MYH3: variants seen among roughly 807,000 people sequenced by gnomAD.
MYH3 encodes the protein myosin-3.
MYH3 carries 130 observed loss-of-function variants against 238.0 expected under a neutral mutation model. That is an observed-to-expected ratio of 0.55 (90% CI 0.47 to 0.63). The LOEUF (loss-of-function observed/expected upper bound fraction) is 0.63, where lower values mean the gene tolerates loss of function less well. Among genes scored for constraint, MYH3 ranks in the 30% least tolerant of loss-of-function variants. The pLI, the probability that MYH3 is intolerant of heterozygous loss-of-function variation, is 0.00. For missense variants in MYH3, 1,853 were observed against 2,374.9 expected, an observed-to-expected ratio of 0.78 and a Z score of 4.57; for synonymous variants, 880 against 924.1, an observed-to-expected ratio of 0.95 and a Z score of 0.86.
rs1455147790 is a variant in MYH3 at position 10,654,577 on chromosome 17, C to T, written c.204+284G>A. ...CTCCCAACTCCACACCCTTGGGACA[C>T]GTGGAGCTGGGCCCCTCTGGCCTAC... is the stretch of plus-strand genomic sequence containing the variant. On this transcript the variant is annotated intron_variant, in intron 3 of 40. Transcript: ENST00000583535. This position sits in a 1 kb window ranked among gnomAD's most constrained non-coding sequence, Gnocchi z 4.5. 1.3e-5 allele frequency among the ~76,000 whole-genome samples: 2 copies of T among 152,240 alleles called. No homozygotes were observed. The highest frequency in any genetic ancestry group is 4.8e-5 in the African/African-American group (2 of 41,462).
intron 3 of MYH3, among the ~76,000 whole-genome samples, chr17:10,653,975 G>C (rs1020963920): frequency 4.0e-5 from 6 of 151,842 alleles, no homozygotes; most frequent in African/African-American, 1.5e-4. Context: ...TATTTTTTGG[G>C]GGGACCGAGT....
At chr17:10,656,343 T>C (rs1247578460) in intron 1 of MYH3, among the ~76,000 whole-genome samples, 195 bp from the exon 2 acceptor site, 1 of 152,094 alleles carries the variant, frequency 6.6e-6, no homozygotes, top group Non-Finnish European at 1.5e-5. Context: ...CTGGCCAACA[T>C]AGTGAAACCC....
In MYH3 at chr17:10,628,591, T is replaced by C. The variant is rs959986577; in HGVS notation, c.*62A>G. 1.3e-6 allele frequency: 2 copies of C among 1,564,284 alleles called. No homozygotes were observed. The highest frequency in any genetic ancestry group is 1.8e-6 in the Non-Finnish European group (2 of 1,134,700). ...GAGTCACATGGACATTAAGTATCAA[T>C]GGTCAGGAATCAAGAAAATATACAT... On this transcript the variant is annotated 3_prime_UTR_variant, in exon 41 of 41. Coordinates refer to ENST00000583535, the MANE Select transcript of MYH3 (RefSeq NM_002470.4).
At position 10,629,905 on chromosome 17, in the gene MYH3, C is replaced by T. The variant is rs1432784701; in HGVS notation, c.5595G>A (p.Leu1865=). 1 of 1,614,180 alleles carries T rather than the reference C, an allele frequency of 6.2e-7. No homozygotes were observed. The highest frequency in any genetic ancestry group is 1.7e-5 in the Admixed American group (1 of 60,026). ...SEEDRKNVLR[L]QDLVDKLQVK... ...CTTGCAGTTTATCCACCAGATCCTG[C>T]AATCTCAGCACATTCTTCCTGTCCT... The change falls in exon 39 of 41, where the codon TTG becomes TTA. Residue 1865 remains leucine, a synonymous_variant. Coordinates refer to ENST00000583535, the MANE Select transcript of MYH3 (RefSeq NM_002470.4).
At chr17:10,671,858 C>T in the MYH3 span, among the ~76,000 whole-genome samples, 3 of 152,096 alleles carry the variant, frequency 2.0e-5, no homozygotes, top group Non-Finnish European at 2.9e-5. Context: ...GGATTACAGG[C>T]GTGAGCACCT....
chr17:10,643,586 G>C (rs1262538231), intron 14 of MYH3, among the ~76,000 whole-genome samples: 1 of 152,000 alleles, frequency 6.6e-6, no homozygotes, highest in Non-Finnish European at 1.5e-5. Flanking sequence ...ATGTTGGCCA[G>C]GATGGTCTTG....
rs2074378054 is a variant in MYH3, at chr17:10,651,750, T to TTTG, written c.349-83_349-82insCAA. On this transcript the variant is annotated intron_variant, in intron 4 of 40. Coordinates refer to ENST00000583535, the MANE Select transcript of MYH3 (RefSeq NM_002470.4). The stretch of plus-strand genomic sequence containing the variant: ...CCTTGCCTTTATTATTATTATTGTT[T>TTTG]TTTTTTTTTTTTGAGACGGAGTCTC... 21 of 1,492,374 alleles carry TTTG rather than the reference T, an allele frequency of 1.4e-5. No individual in the cohort carries two copies. The African/African-American group carries it at 2.5e-4, about 18-fold the overall frequency. 92.4% of individuals were successfully genotyped at this position (1,492,374 alleles called of 1,614,324 possible).
At chr17:10,660,532 C>G (rs1399287467), upstream of MYH3, among the ~76,000 whole-genome samples, 1 of 151,546 alleles carries the variant, frequency 6.6e-6, no homozygotes, top group Non-Finnish European at 1.5e-5. Flanking sequence ...AAAAAATTAG[C>G]CTGGCATGGT....
the MYH3 span, chr17:10,675,208 G>A: frequency 6.6e-6 from 1 of 152,246 alleles, no homozygotes; most frequent in Non-Finnish European, 1.5e-5. Context: ...TGGCTACTCT[G>A]CTCTGCCACA....
In MYH3 at chr17:10,652,341, CCA is replaced by C. The variant is rs551827750; in HGVS notation, c.348+77_348+78del. On this transcript the variant is annotated intron_variant, in intron 4 of 40. Transcript: ENST00000583535. ...CACTCATCTTCCAGAATCCCACGGCCCACACACATACCTCTGCCTCCCTCCCC... is the reference window on the plus strand; with the variant it reads ...CACTCATCTTCCAGAATCCCACGGCCCACACATACCTCTGCCTCCCTCCCC... 8.7e-5 allele frequency: 134 copies of C among 1,538,402 alleles called. 1 individual carries two copies. The African/African-American group carries it at 1.5e-3, about 18-fold the overall frequency.
In MYH3 at chr17:10,641,041, C is replaced by T. The variant is rs371646026; in HGVS notation, c.2165+44G>A. 4.1e-5 allele frequency: 58 copies of T among 1,410,172 alleles called. No individual in the cohort carries two copies. In the African/African-American group the frequency reaches 6.3e-4, roughly 15 times the overall value. The allele number at this position is 1,410,172 out of a possible 1,614,324, so 87.4% of individuals were successfully genotyped here. A position where few individuals can be genotyped will look rare whatever the true frequency, so the allele number is the denominator to read the frequency against. On this transcript the variant is annotated intron_variant, in intron 19 of 40. Transcript: ENST00000583535. ...TTTCTCCCTCTCAAATTCCAGTGTT[C>T]GTACATCTCATCCCCAAGCATATAG...
Position 10,640,233 on chromosome 17 carries a change from G to A in MYH3, c.2445C>T (p.Ile815=). The change falls in exon 22 of 41, where the codon ATC becomes ATT. Residue 815 remains isoleucine (I), a synonymous_variant. Transcript: ENST00000583535. ...TCATGAATGAGCGAATGTTGTACTG[G>A]ATGCAGAAGATGGACTCCCTAAAAA... The part of the protein sequence containing the change: ...MVQRRESIFC[I]QYNIRSFMNV... 3 of 1,614,196 alleles carry A rather than the reference G, an allele frequency of 1.9e-6. No homozygotes were observed. Among genetic ancestry groups the A allele is most frequent in the South Asian group, 1.1e-5 (1 of 91,084 alleles).
rs371236845 is a variant in MYH3 at position 10,638,229 on chromosome 17, C to A, written c.3543G>T (p.Glu1181Asp). The stretch of plus-strand genomic sequence containing the variant: ...CCATGGCTTCGTGCTGCAGTGTGGC[C>A]TCCTCCAGGTCCCTGCGCAGCTTCA... ...EFLKLRRDLEEATLQHEAMVA... is the reference protein window; with the variant it reads ...EFLKLRRDLEDATLQHEAMVA... The change falls in exon 27 of 41, where the codon GAG (glutamate) becomes GAT (aspartate). Residue 1181 changes from glutamate (E) to aspartate (D), a missense_variant. By Grantham distance (45) the Glu-to-Asp change is conservative. This residue lies in a region of MYH3 where 1,044 missense variants were observed against 1,192.6 expected (regional missense o/e 0.88). Transcript: ENST00000583535. 9.3e-6 allele frequency: 15 copies of A among 1,613,868 alleles called. No individual in the cohort carries two copies. Among genetic ancestry groups the A allele is most frequent in the Non-Finnish European group, 1.3e-5 (15 of 1,179,932 alleles).
intron 8 of MYH3, 136 bp downstream of exon 8, chr17:10,648,421 T>C: frequency 2.5e-6 from 2 of 798,458 alleles, no homozygotes; most frequent in Non-Finnish European, 4.4e-6. Flanking sequence ...AATTTATCTT[T>C]ATCTGAAATG....
chr17:10,628,706 C>T (rs1330981123), intron 40 of MYH3, 27 bp from the exon 41 acceptor site: 4 of 1,614,090 alleles, frequency 2.5e-6, no homozygotes, highest in Non-Finnish European at 3.4e-6. Flanking sequence ...CACCTGGAGT[C>T]AAGTCGGGTG....
the MYH3 span, among the ~76,000 whole-genome samples, chr17:10,668,750 A>G: frequency 6.6e-6 from 1 of 152,200 alleles, no homozygotes; most frequent in South Asian, 2.1e-4. Flanking sequence ...AACAAGAAGA[A>G]AATAAAGGAG....
intron 30 of MYH3, 26 bp from the exon 31 acceptor site, chr17:10,635,049 C>T: frequency 6.2e-7 from 1 of 1,609,146 alleles, no homozygotes; most frequent in Middle Eastern, 1.7e-4. Context: ...AGAGAAGCAG[C>T]TGTTATTTCA....
intron 6 of MYH3, 123 bp from the exon 7 acceptor site, chr17:10,649,808 A>C (rs1340289676): frequency 2.3e-6 from 2 of 872,282 alleles, no homozygotes; most frequent in Non-Finnish European, 3.8e-6. Context: ...TCACCACACT[A>C]ATGTGACAGA....
Position 10,642,148 on chromosome 17 carries a change from A to C in MYH3, c.1959+92T>G. The C allele has an allele frequency of 8.6e-7, 1 of 1,161,842 alleles. No individual in the cohort carries two copies. Among genetic ancestry groups the C allele is most frequent in the Admixed American group, 1.9e-5 (1 of 51,834 alleles). 72.0% of individuals were successfully genotyped at this position (1,161,842 alleles called of 1,614,324 possible). ...GTAATCAGATTAAGACAACACTACT[A>C]CTCTCAAATAAATCAAGCTTAGAAT... On this transcript the variant is annotated intron_variant, in intron 17 of 40. Coordinates refer to ENST00000583535, the MANE Select transcript of MYH3 (RefSeq NM_002470.4). This position sits in a 1 kb window ranked among gnomAD's most constrained non-coding sequence, Gnocchi z 5.4.
Sources: gnomAD v4.1 joint callset for allele counts (sites outside exome capture counted in the v4.1 genomes callset) on GRCh38, gnomAD v4.1.1 for gene constraint, gnomAD v4.1.1 regional missense constraint, Gnocchi (gnomAD v3.1) non-coding constraint, MANE v1.5 for transcripts, NCBI Gene and HGNC (gene_info 2026-07-23, HGNC 2026-07-21) for gene names.